Variants in APOL3 observed in about 807,000 individuals in gnomAD.
The protein encoded by APOL3 is apolipoprotein L3, also known as TNF-inducible protein CG12-1.
APOL3 carries 14 observed loss-of-function variants against 11.6 expected under a neutral mutation model. That is an observed-to-expected ratio of 1.21 (90% confidence interval 0.80 to 1.89). APOL3 has a LOEUF of 1.89. APOL3 is among the 40% of genes most tolerant of loss of function. The pLI, the probability that APOL3 is intolerant of heterozygous loss-of-function variation, is 0.00. For synonymous variants in APOL3, 192 were observed against 190.6 expected (o/e 1.01, Z -0.06); for missense variants, 483 against 492.1 (o/e 0.98, Z 0.17).
chr22:36,163,211 C>A (rs904079692), upstream of APOL3, among the ~76,000 whole-genome samples: 2 of 152,180 alleles, frequency 1.3e-5, no homozygotes, highest in African/African-American at 4.8e-5. Flanking sequence ...ACCCTCAACT[C>A]CCTTTAGACT....
chr22:36,160,719 T>C, exon 1 of APOL3: 1 of 1,614,174 alleles, frequency 6.2e-7, no homozygotes, highest in Non-Finnish European at 8.5e-7. Flanking sequence ...TGTTCTGAGC[T>C]GTGTGGATCC....
At chr22:36,141,708 C>G in exon 3 of APOL3, 1 of 1,614,048 alleles carries the variant, frequency 6.2e-7, no homozygotes, top group Non-Finnish European at 8.5e-7. Context: ...GGTGGTGATC[C>G]CAGTCACAGC....
chr22:36,141,639 G>T, exon 3 of APOL3: 1 of 1,614,150 alleles, frequency 6.2e-7, no homozygotes, highest in Non-Finnish European at 8.5e-7. Context: ...AATGCTGGTT[G>T]CAGTCAGCCT....
chr22:36,164,299 C>A (rs902759977), upstream of APOL3, among the ~76,000 whole-genome samples: 2 of 152,164 alleles, frequency 1.3e-5, no homozygotes, highest in African/African-American at 4.8e-5. Flanking sequence ...CATTTCCAGC[C>A]CCCACTTCTG....
intron 1 of APOL3, among the ~76,000 whole-genome samples, chr22:36,147,473 C>T (rs938925724): frequency 5.3e-5 from 8 of 152,284 alleles, no homozygotes; most frequent in Middle Eastern, 3.4e-3. Flanking sequence ...CCAGCCAAGC[C>T]CTTCTGAAGG....
At chr22:36,149,000 A>C (rs1302497060) in intron 1 of APOL3, 46 bp downstream of exon 2, 1 of 1,362,132 alleles carries the variant, frequency 7.3e-7, no homozygotes, top group Non-Finnish European at 9.8e-7. Context: ...CCTCCATTCT[A>C]GGTGCGAGTA....
intron 1 of APOL3, among the ~76,000 whole-genome samples, chr22:36,150,162 T>C (rs1320059549): frequency 6.6e-6 from 1 of 152,110 alleles, no homozygotes; most frequent in African/African-American, 2.4e-5. Context: ...ATTCTGCTTG[T>C]GATGATCTTG....
At chr22:36,160,985 T>G, upstream of APOL3, 1 of 1,156,460 alleles carries the variant, frequency 8.6e-7, no homozygotes, top group Non-Finnish European at 1.2e-6. Flanking sequence ...CTCCCATACT[T>G]AGGGTTGGGG....
At chr22:36,147,603 G>T (rs893192501) in intron 1 of APOL3, among the ~76,000 whole-genome samples, 1 of 152,184 alleles carries the variant, frequency 6.6e-6, no homozygotes, top group Non-Finnish European at 1.5e-5. Context: ...ATGTGACTTG[G>T]TTGCCAAGGC....
intron 1 of APOL3, among the ~76,000 whole-genome samples, chr22:36,147,528 C>G (rs2060264927): frequency 6.6e-6 from 1 of 152,204 alleles, no homozygotes; most frequent in South Asian, 2.1e-4. Context: ...TCTTCCCTGC[C>G]CTCTCCTCAT....
chr22:36,161,706 C>A (rs1046313465), upstream of APOL3, among the ~76,000 whole-genome samples: 6 of 152,112 alleles, frequency 3.9e-5, no homozygotes, highest in African/African-American at 1.4e-4. Context: ...GTTGACTGAA[C>A]AAAGTGGGGG....
chr22:36,165,412 A>C (rs769720298), upstream of APOL3: 1 of 152,154 alleles, frequency 6.6e-6, no homozygotes, highest in Admixed American at 6.5e-5. Context: ...TTCATCAACC[A>C]ATCAGGTAAA....
intron 1 of APOL3, chr22:36,155,639 T>A (rs2012660077): frequency 6.3e-6 from 1 of 158,220 alleles, no homozygotes; most frequent in Admixed American, 6.5e-5. Context: ...CCAGGGCAGC[T>A]GTCTCAACAT....
exon 3 of APOL3, chr22:36,140,334 G>A (rs1414000232): frequency 1.3e-5 from 2 of 152,218 alleles, no homozygotes; most frequent in Admixed American, 6.5e-5. Context: ...CCAGCTTGGT[G>A]AGTAGGTGAG....
At chr22:36,154,893 C>T (rs1320574642) in intron 1 of APOL3, among the ~76,000 whole-genome samples, 2 of 152,164 alleles carry the variant, frequency 1.3e-5, no homozygotes, top group African/African-American at 4.8e-5. Context: ...GGTAGACTTG[C>T]CCCCCACTTT....
intron 1 of APOL3, chr22:36,154,351 A>G (rs2012374778): frequency 3.6e-6 from 1 of 276,032 alleles, no homozygotes; most frequent in Non-Finnish European, 7.1e-6. Context: ...TCCAAGATGA[A>G]TCTGTGAAAG....
chr22:36,151,708 C>T (rs2146832141), intron 1 of APOL3, among the ~76,000 whole-genome samples: 1 of 152,298 alleles, frequency 6.6e-6, no homozygotes, highest in South Asian at 2.1e-4. Flanking sequence ...TAACCCCATA[C>T]TTTGGGAGGG....
At chr22:36,144,290 C>T (rs1411421015) in intron 2 of APOL3, among the ~76,000 whole-genome samples, 1 of 152,178 alleles carries the variant, frequency 6.6e-6, no homozygotes, top group East Asian at 1.9e-4. Flanking sequence ...GCTCCTCCAA[C>T]CCAGGCCCAC....
upstream of APOL3, among the ~76,000 whole-genome samples, chr22:36,162,372 A>C (rs1032165092): frequency 2.0e-5 from 3 of 152,190 alleles, no homozygotes; most frequent in African/African-American, 7.2e-5. Context: ...CCCTCAGGTC[A>C]CCCCAAGTTC....
Sources: gnomAD v4.1 joint callset for allele counts (sites outside exome capture counted in the v4.1 genomes callset) on GRCh38, gnomAD v4.1.1 for gene constraint, MANE v1.5 for transcripts, NCBI Gene and HGNC (gene_info 2026-07-23, HGNC 2026-07-21) for gene names.